MUC5B: variants seen among roughly 807,000 people sequenced by gnomAD.
The protein encoded by MUC5B is mucin-5B.
A neutral mutation model predicts 376.9 loss-of-function variants in MUC5B; 116 were observed. The ratio of observed to expected loss-of-function variants is 0.31; its 90% CI spans 0.26 to 0.36. The LOEUF (loss-of-function observed/expected upper bound fraction) is 0.36, where lower values mean the gene tolerates loss of function less well. Ranked by LOEUF, MUC5B falls within the 10% of genes least tolerant of loss-of-function variation. The probability of loss-of-function intolerance (pLI) is 1.00; values close to 1 mark genes in which losing one functional copy is unlikely to be tolerated. For missense variants in MUC5B, 7,165 were observed against 7,769.9 expected (o/e 0.92, Z 2.93); for synonymous variants, 3,517 against 3,390.9 (o/e 1.04, Z -1.29).
At position 1,247,161 on chromosome 11, in the gene MUC5B, A is replaced by C; in HGVS notation, c.10281A>C (p.Ala3427=). The C allele has an allele frequency of 6.5e-7, 1 of 1,545,572 alleles. No individual in the cohort carries two copies. The highest frequency in any genetic ancestry group is 8.8e-7 in the Non-Finnish European group (1 of 1,134,046). The part of the protein sequence containing the change: ...PVLTTTATTP[A]ATSSTVTPSS... Reference sequence around the variant, plus strand: ...TGACCACCACCGCCACCACACCTGCAGCCACCAGCAGCACAGTGACTCCCT... The same window carrying C: ...TGACCACCACCGCCACCACACCTGCCGCCACCAGCAGCACAGTGACTCCCT... The change falls in exon 31 of 49, where the codon GCA becomes GCC. Residue 3427 remains alanine (A), a synonymous_variant. Coordinates refer to ENST00000529681, the MANE Select transcript of MUC5B (RefSeq NM_002458.3).
chr11:1,240,721 G>A, intron 30 of MUC5B, 130 bp from the exon 31 acceptor site: 2 of 877,550 alleles, frequency 2.3e-6, no homozygotes, highest in South Asian at 1.8e-5. Flanking sequence ...GCTGAGGCAG[G>A]CACTGGGGTC....
At chr11:1,240,772 G>A in intron 30 of MUC5B, 79 bp from the exon 31 acceptor site, 5 of 1,340,774 alleles carry the variant, frequency 3.7e-6, no homozygotes, top group Non-Finnish European at 5.0e-6. Context: ...TGGGGAAAGG[G>A]TCCTCTGGGG....
At chr11:1,239,698 C>T in intron 27 of MUC5B, 101 bp from the exon 28 acceptor site, 1 of 1,493,994 alleles carries the variant, frequency 6.7e-7, no homozygotes, top group Non-Finnish European at 8.9e-7. Flanking sequence ...GGGCAGGCCC[C>T]TGCTGGCTGG....
At position 1,243,657 on chromosome 11, in the gene MUC5B, C is replaced by G. The variant is rs758141225; in HGVS notation, c.6777C>G (p.Ser2259Arg). Residue 2259 changes from serine to arginine, a missense_variant, in exon 31 of 49, where the codon AGC (serine) becomes AGG (arginine). By Grantham distance (110) the Ser-to-Arg change is moderately radical. Coordinates refer to ENST00000529681, the MANE Select transcript of MUC5B (RefSeq NM_002458.3). Reference protein sequence around the residue: ...TPALSSPHPSSRTTESPPSPG... With the variant: ...TPALSSPHPSRRTTESPPSPG... ...CCCTTTCCAGCCCTCACCCTAGCAGCAGAACCACCGAGTCACCCCCTTCTC... is the reference window on the plus strand; with the variant it reads ...CCCTTTCCAGCCCTCACCCTAGCAGGAGAACCACCGAGTCACCCCCTTCTC... 4.3e-6 allele frequency: 7 copies of G among 1,611,302 alleles called. No individual in the cohort carries two copies. The South Asian group carries it at 6.6e-5, about 15-fold the overall frequency.
chr11:1,252,979 G>T lies in MUC5B; in HGVS notation c.15216G>T (p.Glu5072Asp). The part of the protein sequence containing the change: ...SQPCDFHYEC[E>D]CICSMWGGSH... ...CCTGTGACTTCCACTATGAGTGCGA[G>T]TGTGAGTGCGTCGGTGGCCGCGGGA... The change falls in exon 33 of 49, where the codon GAG (glutamate) becomes GAT (aspartate). Residue 5072 changes from glutamate to aspartate, a missense_variant and splice_region_variant. This residue lies in a region of MUC5B where 842 missense variants were observed against 1,016.9 expected (regional missense o/e 0.83). Coordinates refer to ENST00000529681, the MANE Select transcript of MUC5B (RefSeq NM_002458.3). 1.9e-6 allele frequency: 3 copies of T among 1,612,622 alleles called. No homozygotes were observed. Among genetic ancestry groups the T allele is most frequent in the Non-Finnish European group, 2.5e-6 (3 of 1,179,846 alleles).
rs754850982 is a variant in MUC5B at position 1,239,442 on chromosome 11, G to A, written c.3459G>A (p.Leu1153=). The A allele has an allele frequency of 6.2e-6, 10 of 1,607,258 alleles. No homozygotes were observed. The South Asian group carries it at 1.1e-4, about 18-fold the overall frequency. The part of the protein sequence containing the change: ...VSWRTPDTCP[L]FCDFYNPHGG... ...CCTCTGCCCTCTGTGCCCCAGCCTT[G>A]TTCTGTGACTTCTACAACCCACATG... Residue 1153 remains leucine (L), a synonymous_variant, in exon 27 of 49, where the codon TTG becomes TTA. Coordinates refer to ENST00000529681, the MANE Select transcript of MUC5B (RefSeq NM_002458.3).
chr11:1,258,429 G>A lies in MUC5B; in HGVS notation c.16593+62G>A, dbSNP rs552428115. On this transcript the variant is annotated intron_variant, in intron 43 of 48. Coordinates refer to ENST00000529681, the MANE Select transcript of MUC5B (RefSeq NM_002458.3). The surrounding 1 kb of genome is among the most constrained non-coding windows in gnomAD (Gnocchi z 5.5). ...CCTGAACATGTGTGTGGGATGCCCCGGGGCTCTCTGAGCCCCACTCCTTGT... is the reference window on the plus strand; with the variant it reads ...CCTGAACATGTGTGTGGGATGCCCCAGGGCTCTCTGAGCCCCACTCCTTGT... The A allele has an allele frequency of 5.8e-5, 91 of 1,575,754 alleles. 1 individual carries two copies. Among genetic ancestry groups the A allele is most frequent in the South Asian group, 4.7e-4 (41 of 87,322 alleles).
intron 24 of MUC5B, 61 bp downstream of exon 24, chr11:1,236,623 G>A (rs1590173646): frequency 2.0e-6 from 3 of 1,537,656 alleles, no homozygotes; most frequent in African/African-American, 1.4e-5. Flanking sequence ...CAGAAACCCT[G>A]GTGCCAGGTG....
chr11:1,257,771 A>T lies in MUC5B; in HGVS notation c.16450+61A>T. 1.3e-6 allele frequency: 2 copies of T among 1,486,442 alleles called. No individual in the cohort carries two copies. The highest frequency in any genetic ancestry group is 2.5e-5 in the East Asian group (1 of 40,336). The allele number at this position is 1,486,442 out of a possible 1,614,324, so 92.1% of individuals were successfully genotyped here. A position where few individuals can be genotyped will look rare whatever the true frequency, so the allele number is the denominator to read the frequency against. On this transcript the variant is annotated intron_variant, in intron 41 of 48. Transcript: ENST00000529681. This position sits in a 1 kb window ranked among gnomAD's most constrained non-coding sequence, Gnocchi z 8.9. ...GTGAGGGGGGACAGAGCCGGTGCCC[A>T]CCAGGGGCCTGTGGGTTGGGCACAG...
intron 25 of MUC5B, 30 bp from the exon 26 acceptor site, chr11:1,238,841 G>A (rs373142182): frequency 1.3e-5 from 20 of 1,539,542 alleles, no homozygotes; most frequent in East Asian, 7.4e-5. Context: ...CCATTGTCCC[G>A]GCTGAGCTGC....
chr11:1,252,855 T>C lies in MUC5B; in HGVS notation c.15092T>C (p.Val5031Ala). 1 of 1,612,320 alleles carries C rather than the reference T, an allele frequency of 6.2e-7. No individual in the cohort carries two copies. The highest frequency in any genetic ancestry group is 8.5e-7 in the Non-Finnish European group (1 of 1,179,736). ...TLENCTVARCVGDNRVVLLDP... is the reference protein window; with the variant it reads ...TLENCTVARCAGDNRVVLLDP... The stretch of plus-strand genomic sequence containing the variant: ...GAGAACTGCACGGTGGCCAGGTGCG[T>C]GGGTGACAACCGTGTCGTCCTGCTG... The change falls in exon 33 of 49, where the codon GTG becomes GCG. Residue 5031 changes from valine to alanine, a missense_variant. Val to Ala is a moderately conservative substitution (Grantham distance 64). Coordinates refer to ENST00000529681, the MANE Select transcript of MUC5B (RefSeq NM_002458.3).
At position 1,239,807 on chromosome 11, in the gene MUC5B, C is replaced by T. The variant is rs1862236920; in HGVS notation, c.3592C>T (p.Pro1198Ser). ...VDLPGLEGCY[P>S]KCPPSQPFFN... ...CACCCTGCCGGCCCTAGGCTGCTAC[C>T]CGAAGTGCCCACCCAGCCAGCCCTT... is the stretch of plus-strand genomic sequence containing the variant. The change falls in exon 28 of 49, where the codon CCG (proline) becomes TCG (serine). Residue 1198 changes from proline to serine, a missense_variant. This residue lies in a region of MUC5B where 517 missense variants were observed against 545.3 expected (regional missense o/e 0.95). Transcript: ENST00000529681. 6.2e-7 allele frequency: 1 copy of T among 1,610,724 alleles called. No homozygotes were observed. Among genetic ancestry groups the T allele is most frequent in the African/African-American group, 1.3e-5 (1 of 74,954 alleles).
chr11:1,242,820 T>C lies in MUC5B; in HGVS notation c.5940T>C (p.Val1980=). 1 of 1,609,238 alleles carries C rather than the reference T, an allele frequency of 6.2e-7. No homozygotes were observed. The highest frequency in any genetic ancestry group is 8.5e-7 in the Non-Finnish European group (1 of 1,178,870). The change falls in exon 31 of 49, where the codon GTT becomes GTC. Residue 1980 remains valine, a synonymous_variant. Coordinates refer to ENST00000529681, the MANE Select transcript of MUC5B (RefSeq NM_002458.3). ...STATTPTATS[V]TPIPSSSLGT... ...CCACCACACCCACAGCTACCAGCGT[T>C]ACACCCATCCCCTCTTCCTCCCTGG...
At position 1,241,710 on chromosome 11, in the gene MUC5B, G is replaced by A. The variant is rs762084924; in HGVS notation, c.4830G>A (p.Pro1610=). 2.1e-5 allele frequency: 34 copies of A among 1,612,056 alleles called. No individual in the cohort carries two copies. The highest frequency in any genetic ancestry group is 1.1e-4 in the South Asian group (10 of 90,984). Residue 1610 remains proline, a synonymous_variant, in exon 31 of 49, where the codon CCG becomes CCA. Coordinates refer to ENST00000529681, the MANE Select transcript of MUC5B (RefSeq NM_002458.3). The part of the protein sequence containing the change: ...DDHCRGRATT[P]PPTTELETAT... Reference sequence around the variant, plus strand: ...ACTGCAGGGGACGTGCCACAACCCCGCCACCGACCACAGAGCTGGAGACGG... The same window carrying A: ...ACTGCAGGGGACGTGCCACAACCCCACCACCGACCACAGAGCTGGAGACGG...
rs1862754949 is a variant in MUC5B, at chr11:1,253,411, G to A, written c.15217+431G>A. 6.6e-6 allele frequency among the ~76,000 whole-genome samples: 1 copy of A among 152,026 alleles called. No individual in the cohort carries two copies. ...CCAGGAGAAGCTCAGGATGGAAGCG[G>A]GAGCCCAGAGGAGCTTTTGTCTCCT... is the stretch of plus-strand genomic sequence containing the variant. On this transcript the variant is annotated intron_variant, in intron 33 of 48. Transcript: ENST00000529681. The surrounding 1 kb of genome is among the most constrained non-coding windows in gnomAD (Gnocchi z 4.3).
chr11:1,230,396 C>A, intron 11 of MUC5B, 94 bp from the exon 12 acceptor site: 1 of 1,263,614 alleles, frequency 7.9e-7, no homozygotes, highest in Non-Finnish European at 1.1e-6. Flanking sequence ...CCCCACAGAG[C>A]CACATCCCCC....
At chr11:1,237,189 G>A in intron 25 of MUC5B, 25 bp downstream of exon 25, 1 of 1,391,216 alleles carries the variant, frequency 7.2e-7, no homozygotes, top group East Asian at 2.7e-5. Flanking sequence ...TTGGCAGGCA[G>A]GGTCTGGTGG....
At position 1,243,708 on chromosome 11, in the gene MUC5B, C is replaced by T. The variant is rs1224046011; in HGVS notation, c.6828C>T (p.Thr2276=). The T allele has an allele frequency of 1.9e-6, 3 of 1,611,746 alleles. No homozygotes were observed. The East Asian group carries it at 6.7e-5, about 36-fold the overall frequency. Residue 2276 remains threonine (T), a synonymous_variant, in exon 31 of 49, where the codon ACC becomes ACT. Transcript: ENST00000529681. ...CAGGGACGACCACCCCGGGCCACAC[C>T]ACGGCCACCTCCAGGACCACAGCCA... ...PSPGTTTPGH[T]TATSRTTATA...
chr11:1,241,471 G>C lies in MUC5B; in HGVS notation c.4591G>C (p.Asp1531His). 6.2e-7 allele frequency: 1 copy of C among 1,613,684 alleles called. No individual in the cohort carries two copies. Reference sequence around the variant, plus strand: ...ACTTGGAGGGGACGTTGAGTCCTACGATAAGATCAGGGCCGCTGGAGGGCA... The same window carrying C: ...ACTTGGAGGGGACGTTGAGTCCTACCATAAGATCAGGGCCGCTGGAGGGCA... ...EQLGGDVESYDKIRAAGGHLC... is the reference protein window; with the variant it reads ...EQLGGDVESYHKIRAAGGHLC... Residue 1531 changes from aspartate (D) to histidine (H), a missense_variant, in exon 31 of 49, where the codon GAT (aspartate) becomes CAT (histidine). Coordinates refer to ENST00000529681, the MANE Select transcript of MUC5B (RefSeq NM_002458.3).
Sources: allele counts gnomAD v4.1 joint callset (sites outside exome capture counted in the v4.1 genomes callset), GRCh38; gene constraint gnomAD v4.1.1; regional missense constraint gnomAD v4.1.1; non-coding constraint Gnocchi (gnomAD v3.1); transcripts MANE v1.5; gene names NCBI Gene and HGNC (gene_info 2026-07-23, HGNC 2026-07-21).